Variants in ZBTB20 observed in about 807,000 individuals in gnomAD.
ZBTB20 encodes zinc finger and BTB domain-containing protein 20.
ZBTB20 carries 9 observed loss-of-function variants against 56.9 expected under a neutral mutation model. The ratio of observed to expected loss-of-function variants is 0.16; its 90% confidence interval spans 0.10 to 0.28. The LOEUF is 0.28. Among genes scored for constraint, ZBTB20 ranks in the 10% least tolerant of loss-of-function variants. The pLI is 1.00. For missense variants in ZBTB20, 655 were observed against 1,003.0 expected, an observed-to-expected ratio of 0.65 and a Z score of 4.69; for synonymous variants, 417 against 420.7, an observed-to-expected ratio of 0.99 and a Z score of 0.11.
chr3:115,018,016 T>C (rs2080043558), intron 2 of ZBTB20, among the ~76,000 whole-genome samples: 1 of 151,574 alleles, frequency 6.6e-6, no homozygotes, highest in Non-Finnish European at 1.5e-5. Context: ...ATCCTGTTTA[T>C]GCCTAAGGAT....
At chr3:115,138,584 G>C (rs1212346812) in intron 1 of ZBTB20, among the ~76,000 whole-genome samples, 4 of 152,044 alleles carry the variant, frequency 2.6e-5, no homozygotes, top group Non-Finnish European at 5.9e-5. Context: ...GTTCTCCAGA[G>C]CTGTACTTGA....
intron 5 of ZBTB20, among the ~76,000 whole-genome samples, chr3:114,703,828 G>C (rs2063543014): frequency 1.3e-5 from 2 of 152,150 alleles, no homozygotes; most frequent in South Asian, 4.1e-4. Flanking sequence ...GGGGCTTGTA[G>C]AAAATACTGT....
intron 7 of ZBTB20, among the ~76,000 whole-genome samples, chr3:114,451,851 G>A (rs1270514800): frequency 2.6e-5 from 4 of 151,534 alleles, no homozygotes; most frequent in Non-Finnish European, 4.4e-5. Flanking sequence ...TTTTCTCCTC[G>A]ACTGTGAATG....
At chr3:115,114,100 G>A (rs1443885051) in intron 1 of ZBTB20, among the ~76,000 whole-genome samples, 1 of 151,922 alleles carries the variant, frequency 6.6e-6, no homozygotes, top group African/African-American at 2.4e-5. Flanking sequence ...CTAAATTTGG[G>A]GCTCTGTTTA....
chr3:114,988,786 C>T lies in ZBTB20; in HGVS notation c.-506-14370G>A, dbSNP rs571010008. 4.0e-3 allele frequency among the ~76,000 whole-genome samples: 606 copies of T among 152,146 alleles called. 4 individuals are homozygous for T. The highest frequency in any genetic ancestry group is 0.013 in the African/African-American group (546 of 41,498). ...TGTTGTTTCCTGACTTTTTAATGAT[C>T]GCCATTCTAACTGGTGTGAGATGGT... On this transcript the variant is annotated intron_variant, in intron 2 of 11. Coordinates refer to ENST00000675478, the MANE Select transcript of ZBTB20 (RefSeq NM_001348800.3).
chr3:114,556,024 C>T (rs941371711), intron 6 of ZBTB20, among the ~76,000 whole-genome samples: 2 of 151,978 alleles, frequency 1.3e-5, no homozygotes, highest in African/African-American at 4.8e-5. Context: ...AAAAAATCCT[C>T]TCTATCAATG....
At chr3:114,718,287 A>C (rs1485199748) in intron 5 of ZBTB20, among the ~76,000 whole-genome samples, 3 of 152,110 alleles carry the variant, frequency 2.0e-5, no homozygotes, top group African/African-American at 7.2e-5. Context: ...AAGTGAACTA[A>C]AGTAACCTGA....
At chr3:114,411,895 C>G (rs1026705881) in intron 7 of ZBTB20, among the ~76,000 whole-genome samples, 1 of 152,130 alleles carries the variant, frequency 6.6e-6, no homozygotes, top group Non-Finnish European at 1.5e-5. Flanking sequence ...TGTCCAGATG[C>G]AAGGTTGGTG....
At chr3:114,692,564 C>T (rs1373240644) in intron 6 of ZBTB20, among the ~76,000 whole-genome samples, 1 of 152,088 alleles carries the variant, frequency 6.6e-6, no homozygotes, top group Non-Finnish European at 1.5e-5. Flanking sequence ...CTAAACAGGC[C>T]TAGATGGAGC....
chr3:115,075,749 T>C (rs923562351), intron 1 of ZBTB20, among the ~76,000 whole-genome samples: 1 of 152,152 alleles, frequency 6.6e-6, no homozygotes, highest in African/African-American at 2.4e-5. Flanking sequence ...TCGGCACTTC[T>C]ATTCTACATA....
chr3:114,500,657 T>C (rs956798088), intron 6 of ZBTB20, among the ~76,000 whole-genome samples: 6 of 152,240 alleles, frequency 3.9e-5, no homozygotes, highest in Non-Finnish European at 8.8e-5. Flanking sequence ...GACCTTTCTT[T>C]GTTCATTTCA....
intron 6 of ZBTB20, among the ~76,000 whole-genome samples, chr3:114,574,374 C>A (rs1310248934): frequency 1.3e-5 from 2 of 152,154 alleles, no homozygotes; most frequent in African/African-American, 4.8e-5. Context: ...CATTACTTTG[C>A]AGAATTTTGT....
At chr3:114,684,825 G>C (rs2062227964) in intron 6 of ZBTB20, among the ~76,000 whole-genome samples, 1 of 151,982 alleles carries the variant, frequency 6.6e-6, no homozygotes, top group Admixed American at 6.6e-5. Context: ...GGGTAGGTAG[G>C]TTATATGAAC....
chr3:115,076,931 T>C (rs938496666), intron 1 of ZBTB20, among the ~76,000 whole-genome samples: 3 of 152,180 alleles, frequency 2.0e-5, no homozygotes, highest in Admixed American at 2.0e-4. Context: ...TCTAGATCCC[T>C]TGCATGCACA....
intron 10 of ZBTB20, among the ~76,000 whole-genome samples, chr3:114,365,731 C>T (rs147745968): frequency 2.6e-5 from 4 of 152,252 alleles, no homozygotes; most frequent in African/African-American, 7.2e-5. Context: ...TCTGTTTGAG[C>T]ATCTTGAAAA....
intron 4 of ZBTB20, among the ~76,000 whole-genome samples, chr3:114,814,254 A>T (rs554615926): frequency 6.7e-6 from 1 of 148,744 alleles, no homozygotes; most frequent in African/African-American, 2.4e-5. Context: ...TATATATTTC[A>T]CTTACTGTCA....
chr3:115,054,994 T>A (rs987917418), intron 2 of ZBTB20, among the ~76,000 whole-genome samples: 1 of 152,068 alleles, frequency 6.6e-6, no homozygotes, highest in African/African-American at 2.4e-5. Context: ...AAATCAAAAC[T>A]TTTATAGGAG....
chr3:114,368,635 A>G (rs2082676128), intron 10 of ZBTB20, among the ~76,000 whole-genome samples: 1 of 152,238 alleles, frequency 6.6e-6, no homozygotes, highest in African/African-American at 2.4e-5. Flanking sequence ...AACACGCAGG[A>G]AAGAATATGA....
intron 4 of ZBTB20, among the ~76,000 whole-genome samples, chr3:114,810,547 A>G (rs115599915): frequency 0.012 from 1,751 of 152,230 alleles, 15 homozygotes; most frequent in South Asian, 0.041. Flanking sequence ...GTGGGGACGG[A>G]TAATAGGAGG....
Sources: gnomAD v4.1 joint callset for allele counts (sites outside exome capture counted in the v4.1 genomes callset) on GRCh38, gnomAD v4.1.1 for gene constraint, MANE v1.5 for transcripts, NCBI Gene and HGNC (gene_info 2026-07-23, HGNC 2026-07-21) for gene names.